The following DLGAP3 variants were observed in gnomAD, a reference collection of about 807,000 sequenced individuals.
DLGAP3 encodes the protein disks large-associated protein 3.
A neutral mutation model predicts 81.2 loss-of-function variants in DLGAP3; 17 were observed. That is an observed-to-expected ratio of 0.21 (90% CI 0.14 to 0.31). DLGAP3 has a LOEUF of 0.31. DLGAP3 is among the 10% of genes least tolerant of loss of function. DLGAP3 has a pLI of 1.00. For missense variants in DLGAP3, 1,124 were observed against 1,388.0 expected (o/e 0.81, Z 3.02); for synonymous variants, 577 against 587.4 (o/e 0.98, Z 0.26).
Position 34,888,146 on chromosome 1 carries a change from G to C in DLGAP3, c.1387-1861C>G, listed in dbSNP as rs373544881. 6.6e-5 allele frequency among the ~76,000 whole-genome samples: 10 copies of C among 152,298 alleles called. No homozygotes were observed. The East Asian group carries it at 1.9e-3, about 29-fold the overall frequency. ...GTGACATCTCCCAGGAAAGATTCAC[G>C]GCATTATATTTACGTGCAGTCAACA... On this transcript the variant is annotated intron_variant, in intron 5 of 11. Transcript: ENST00000373347.
chr1:34,912,836 C>T (rs1358829604), intron 1 of DLGAP3, among the ~76,000 whole-genome samples: 1 of 152,196 alleles, frequency 6.6e-6, no homozygotes, highest in African/African-American at 2.4e-5. Flanking sequence ...CAGCTCATAC[C>T]CCTGATTATT....
chr1:34,905,141 C>A lies in DLGAP3; in HGVS notation c.243G>T (p.Gly81=), dbSNP rs139431975. The change falls in exon 3 of 12, where the codon GGG becomes GGT. Residue 81 remains glycine (G), a synonymous_variant. Transcript: ENST00000373347. ...GGAAGGTGCTGCTACCCCCCCCAAC[C>A]CCGGCCCCCGCTGGCCCTCCCTCAG... is the stretch of plus-strand genomic sequence containing the variant. ...VGPEGGPAGA[G]VGGGSSTFPR... is the part of the protein sequence containing the mutation. 7 of 1,569,162 alleles carry A rather than the reference C, an allele frequency of 4.5e-6. No homozygotes were observed. The highest frequency in any genetic ancestry group is 2.4e-5 in the East Asian group (1 of 42,502).
chr1:34,869,599 C>A (rs1348405117), intron 8 of DLGAP3, among the ~76,000 whole-genome samples: 1 of 151,090 alleles, frequency 6.6e-6, no homozygotes, highest in African/African-American at 2.4e-5. Flanking sequence ...AAGCGATTCT[C>A]CTGCTTCAGC....
intron 3 of DLGAP3, among the ~76,000 whole-genome samples, chr1:34,903,813 ATCT>A (rs1277320138): frequency 1.3e-5 from 2 of 152,080 alleles, no homozygotes; most frequent in East Asian, 1.9e-4. Context: ...GAAATAACTG[ATCT>A]TCATATTCAA....
rs1254423622 is a variant in DLGAP3, at chr1:34,895,241, G to A, written c.1386+4428C>T. ...AAATTAGCCAGGCGTGGTGGCGGGC[G>A]CCTGTAGTCTCAGCTACTCCGGAGA... On this transcript the variant is annotated intron_variant, in intron 5 of 11. Transcript: ENST00000373347. This position sits in a 1 kb window ranked among gnomAD's most constrained non-coding sequence, Gnocchi z 4.5. Among the ~76,000 whole-genome samples, 13 of 151,896 alleles carry A rather than the reference G, an allele frequency of 8.6e-5. No homozygotes were observed. The highest frequency in any genetic ancestry group is 4.8e-5 in the African/African-American group (2 of 41,474).
intron 5 of DLGAP3, among the ~76,000 whole-genome samples, chr1:34,888,386 C>T (rs1569621880): frequency 6.6e-6 from 1 of 152,190 alleles, no homozygotes; most frequent in East Asian, 1.9e-4. Flanking sequence ...AAATGTCATG[C>T]TTCCTGGCTC....
At chr1:34,919,963 C>T (rs1639773004) in intron 1 of DLGAP3, among the ~76,000 whole-genome samples, 1 of 152,168 alleles carries the variant, frequency 6.6e-6, no homozygotes, top group Non-Finnish European at 1.5e-5. Flanking sequence ...AAGGCATCCA[C>T]ACCACCAGGG....
Position 34,867,910 on chromosome 1 carries a change from C to T in DLGAP3, c.2486-283G>A, listed in dbSNP as rs943573520. 3.3e-5 allele frequency among the ~76,000 whole-genome samples: 5 copies of T among 152,206 alleles called. No individual in the cohort carries two copies. In the East Asian group the frequency reaches 5.8e-4, roughly 18 times the overall value. On this transcript the variant is annotated intron_variant, in intron 9 of 11. Coordinates refer to ENST00000373347, the MANE Select transcript of DLGAP3 (RefSeq NM_001080418.3). The surrounding 1 kb of genome is among the most constrained non-coding windows in gnomAD (Gnocchi z 4.3). ...TCTCCCTCCCGTATCAGAGAACAGA[C>T]GGAAACCAGCCCCAGCCTAGCCCTA...
chr1:34,875,181 G>T (rs1639032659), intron 8 of DLGAP3, among the ~76,000 whole-genome samples: 1 of 152,124 alleles, frequency 6.6e-6, no homozygotes, highest in South Asian at 2.1e-4. Context: ...TCTTTCCCAG[G>T]CCTCAAGGGG....
intron 2 of DLGAP3, among the ~76,000 whole-genome samples, chr1:34,906,010 CTAAATTTA>C (rs1414975600): frequency 1.4e-4 from 2 of 14,624 alleles, no homozygotes; most frequent in Non-Finnish European, 3.0e-4. Context: ...GACCTGGCCT[CTAAATTTA>C]TATATATATA....
chr1:34,868,785 C>G lies in DLGAP3; in HGVS notation c.2305G>C (p.Gly769Arg). ...APAPTPGPGA[G>R]RRDSWIERGS... Reference sequence around the variant, plus strand: ...CGCTCTATCCAGGAGTCACGGCGGCCGGCCCCAGGGCCGGGGGTGGGGGCG... The same window carrying G: ...CGCTCTATCCAGGAGTCACGGCGGCGGGCCCCAGGGCCGGGGGTGGGGGCG... The change falls in exon 9 of 12, where the codon GGC becomes CGC. Residue 769 changes from glycine (G) to arginine (R), a missense_variant. Coordinates refer to ENST00000373347, the MANE Select transcript of DLGAP3 (RefSeq NM_001080418.3). The surrounding 1 kb of genome is among the most constrained non-coding windows in gnomAD (Gnocchi z 7.5). The G allele has an allele frequency of 6.3e-7, 1 of 1,586,936 alleles. No individual in the cohort carries two copies. The highest frequency in any genetic ancestry group is 8.5e-7 in the Non-Finnish European group (1 of 1,170,210).
At chr1:34,918,611 G>A (rs1639755449) in intron 1 of DLGAP3, among the ~76,000 whole-genome samples, 1 of 152,202 alleles carries the variant, frequency 6.6e-6, no homozygotes, top group Non-Finnish European at 1.5e-5. Flanking sequence ...CTGAAAAGTG[G>A]GTCATTTTCC....
chr1:34,897,415 G>C (rs542145788), intron 5 of DLGAP3, among the ~76,000 whole-genome samples: 1 of 152,278 alleles, frequency 6.6e-6, no homozygotes, highest in South Asian at 2.1e-4. Context: ...AAAGAAGTTA[G>C]GAAGTGATCC....
At position 34,886,374 on chromosome 1, in the gene DLGAP3, C is replaced by G. The variant is rs1557470897; in HGVS notation, c.1387-89G>C. 2.4e-6 allele frequency: 3 copies of G among 1,246,066 alleles called. No homozygotes were observed. The South Asian group carries it at 4.5e-5, about 19-fold the overall frequency. The allele number at this position is 1,246,066 out of a possible 1,614,324, so 77.2% of individuals were successfully genotyped here. A position where few individuals can be genotyped will look rare whatever the true frequency, so the allele number is the denominator to read the frequency against. On this transcript the variant is annotated intron_variant, in intron 5 of 11. Coordinates refer to ENST00000373347, the MANE Select transcript of DLGAP3 (RefSeq NM_001080418.3). The stretch of plus-strand genomic sequence containing the variant: ...TGCTCTGCCTTAGGGGAAGACCTCT[C>G]TATATCTGCAGAGGCTGTAGGCGAC...
intron 3 of DLGAP3, among the ~76,000 whole-genome samples, chr1:34,901,646 T>G (rs923368334): frequency 6.6e-6 from 1 of 152,124 alleles, no homozygotes; most frequent in African/African-American, 2.4e-5. Context: ...CAATAAATGG[T>G]AACAATTATT....
intron 1 of DLGAP3, among the ~76,000 whole-genome samples, chr1:34,919,068 C>T (rs1639762407): frequency 6.6e-6 from 1 of 152,152 alleles, no homozygotes; most frequent in South Asian, 2.1e-4. Context: ...GCGGCTGTTT[C>T]GGCCCAACCC....
intron 8 of DLGAP3, among the ~76,000 whole-genome samples, chr1:34,878,594 T>C (rs1013880575): frequency 1.3e-5 from 2 of 152,082 alleles, no homozygotes; most frequent in African/African-American, 4.8e-5. Context: ...TCAACAAAGT[T>C]ACCAGGGAAA....
In DLGAP3 at chr1:34,867,058, A is replaced by G; in HGVS notation, c.2711T>C (p.Leu904Pro). 2.5e-6 allele frequency: 4 copies of G among 1,614,090 alleles called. No individual in the cohort carries two copies. The highest frequency in any genetic ancestry group is 3.4e-6 in the Non-Finnish European group (4 of 1,179,956). Residue 904 changes from leucine to proline, a missense_variant, in exon 11 of 12, where the codon CTG becomes CCG. Coordinates refer to ENST00000373347, the MANE Select transcript of DLGAP3 (RefSeq NM_001080418.3). The surrounding 1 kb of genome is among the most constrained non-coding windows in gnomAD (Gnocchi z 4.3). The part of the protein sequence containing the change: ...QQLKANSWKL[L>P]EPKEEKKVPP... ...GCACCCCAGCCCCACCTTAGGCTCCAGGAGTTTCCAGCTGTTGGCCTTGAG... is the reference window on the plus strand; with the variant it reads ...GCACCCCAGCCCCACCTTAGGCTCCGGGAGTTTCCAGCTGTTGGCCTTGAG...
At chr1:34,879,973 A>T (rs1231091188) in intron 8 of DLGAP3, among the ~76,000 whole-genome samples, 1 of 152,214 alleles carries the variant, frequency 6.6e-6, no homozygotes, top group Admixed American at 6.5e-5. Context: ...AATATTAAAG[A>T]TTGCTCACCA....
Sources: gnomAD v4.1 joint callset for allele counts (sites outside exome capture counted in the v4.1 genomes callset) on GRCh38, gnomAD v4.1.1 for gene constraint, Gnocchi (gnomAD v3.1) non-coding constraint, MANE v1.5 for transcripts, NCBI Gene and HGNC (gene_info 2026-07-23, HGNC 2026-07-21) for gene names.